NUDT19: variants seen among roughly 807,000 people sequenced by gnomAD.
The protein encoded by NUDT19 is acyl-coenzyme A diphosphatase NUDT19.
In NUDT19, 31 loss-of-function variants were observed where a neutral mutation model predicts 22.2. That is an observed-to-expected ratio of 1.40 (90% CI 1.05 to 1.89). The LOEUF is 1.89. Ranked by LOEUF, NUDT19 falls within the 40% of genes most tolerant of loss-of-function variation. The pLI is 0.00. For missense variants in NUDT19, 752 were observed against 514.2 expected (o/e 1.46, Z -4.47); for synonymous variants, 325 against 230.8 (o/e 1.41, Z -3.70).
intron 1 of NUDT19, among the ~76,000 whole-genome samples, chr19:32,698,473 A>G (rs1323915929): frequency 2.0e-5 from 3 of 152,070 alleles, no homozygotes; most frequent in Non-Finnish European, 4.4e-5. Flanking sequence ...CGGTCCCTGG[A>G]CCCTGCTGAT....
At chr19:32,698,549 C>G (rs1968293566) in intron 1 of NUDT19, among the ~76,000 whole-genome samples, 1 of 152,106 alleles carries the variant, frequency 6.6e-6, no homozygotes, top group Non-Finnish European at 1.5e-5. Context: ...GCAACAGTCC[C>G]CGGACCCTGC....
intron 1 of NUDT19, among the ~76,000 whole-genome samples, chr19:32,694,385 A>G (rs966133207): frequency 2.6e-5 from 4 of 152,146 alleles, no homozygotes; most frequent in Non-Finnish European, 5.9e-5. Flanking sequence ...GGTTTTGGAG[A>G]GTCACTGCTG....
intron 1 of NUDT19, among the ~76,000 whole-genome samples, chr19:32,704,536 A>G (rs752058494): frequency 6.6e-6 from 1 of 152,048 alleles, no homozygotes; most frequent in Non-Finnish European, 1.5e-5. Context: ...CTGGGATTAC[A>G]GGCGTGAGCC....
chr19:32,693,949 C>G (rs1968234756), intron 1 of NUDT19, among the ~76,000 whole-genome samples: 2 of 152,178 alleles, frequency 1.3e-5, no homozygotes, highest in African/African-American at 4.8e-5. Flanking sequence ...AGAAGGGGCC[C>G]TGCAGTTGTA....
At chr19:32,699,662 G>A (rs1016881706) in intron 1 of NUDT19, among the ~76,000 whole-genome samples, 2 of 152,162 alleles carry the variant, frequency 1.3e-5, no homozygotes, top group African/African-American at 2.4e-5. Context: ...AATAGCAAGC[G>A]AAAGGGGTCC....
chr19:32,693,028 C>A (rs1968219549), intron 1 of NUDT19, among the ~76,000 whole-genome samples: 1 of 152,208 alleles, frequency 6.6e-6, no homozygotes, highest in Non-Finnish European at 1.5e-5. Flanking sequence ...TCCAGTCTTC[C>A]TATTTTTATT....
chr19:32,696,832 A>G (rs1310695013), intron 1 of NUDT19, among the ~76,000 whole-genome samples: 1 of 152,216 alleles, frequency 6.6e-6, no homozygotes, highest in Non-Finnish European at 1.5e-5. Context: ...GCCAGTGTCC[A>G]GGAGGAAGTC....
intron 2 of NUDT19, among the ~76,000 whole-genome samples, chr19:32,710,905 AG>A (rs1425049438): frequency 6.6e-6 from 1 of 151,846 alleles, no homozygotes; most frequent in Non-Finnish European, 1.5e-5. Context: ...AAAAAAAAAA[AG>A]ATTTATTACT....
At position 32,692,384 on chromosome 19, in the gene NUDT19, C is replaced by G; in HGVS notation, c.424C>G (p.Arg142Gly). 1 of 1,583,578 alleles carries G rather than the reference C, an allele frequency of 6.3e-7. No homozygotes were observed. Among genetic ancestry groups the G allele is most frequent in the South Asian group, 1.1e-5 (1 of 89,506 alleles). Reference protein sequence around the residue: ...AFEEAGVLLLRPRTSPPGPAP... With the variant: ...AFEEAGVLLLGPRTSPPGPAP... ...TGAGGAGGCGGGCGTGCTGCTGCTG[C>G]GGCCCAGGACTTCCCCACCAGGCCC... Residue 142 changes from arginine (R) to glycine (G), a missense_variant, in exon 1 of 3, where the codon CGG becomes GGG. Coordinates refer to ENST00000397061, the MANE Select transcript of NUDT19 (RefSeq NM_001105570.2).
Position 32,709,282 on chromosome 19 carries a change from C to CCT in NUDT19, c.821_822dup (p.Asp275LeufsTer12), listed in dbSNP as rs775485315. On this transcript the variant is annotated frameshift_variant, in exon 2 of 3. Transcript: ENST00000397061. LOFTEE classifies it high-confidence loss of function. ...GAAGTGAGAAGACTTGCAAACTTTG[C>CCT]CTCTCTCTCTGACTTGCACAAATTT... 6.2e-7 allele frequency: 1 copy of CCT among 1,613,960 alleles called. No homozygotes were observed. Among genetic ancestry groups the CCT allele is most frequent in the Non-Finnish European group, 8.5e-7 (1 of 1,179,872 alleles).
At chr19:32,711,497 A>G (rs1465943456) in intron 2 of NUDT19, among the ~76,000 whole-genome samples, 3 of 152,122 alleles carry the variant, frequency 2.0e-5, no homozygotes, top group Non-Finnish European at 4.4e-5. Flanking sequence ...AAAGAAATTG[A>G]GGTAAGCTCA....
rs959229017 is a variant in NUDT19 at position 32,692,648 on chromosome 19, G to A, written c.688G>A (p.Asp230Asn). The change falls in exon 1 of 3, where the codon GAC becomes AAC. Residue 230 changes from aspartate (D) to asparagine (N), a missense_variant. Transcript: ENST00000397061. ...GCGCGAGCCGCCGCCCGTCTACCCC[G>A]ACTTGGCGGAGGTGGTGGGCTACCA... ...CLREPPPVYP[D>N]LAEVVGYQWS... 32 of 1,520,392 alleles carry A rather than the reference G, an allele frequency of 2.1e-5. No homozygotes were observed. Among genetic ancestry groups the A allele is most frequent in the East Asian group, 4.8e-5 (2 of 41,938 alleles). 94.2% of individuals were successfully genotyped at this position (1,520,392 alleles called of 1,614,324 possible).
At chr19:32,707,859 T>C (rs1968403686) in intron 1 of NUDT19, among the ~76,000 whole-genome samples, 1 of 151,094 alleles carries the variant, frequency 6.6e-6, no homozygotes, top group South Asian at 2.1e-4. Context: ...GCACCTGTAG[T>C]CCCAGCTACT....
Position 32,692,029 on chromosome 19 carries a change from C to G in NUDT19, c.69C>G (p.Gly23=). The G allele has an allele frequency of 2.4e-6, 3 of 1,263,866 alleles. No homozygotes were observed. Among genetic ancestry groups the G allele is most frequent in the Non-Finnish European group, 3.0e-6 (3 of 1,009,878 alleles). The allele number at this position is 1,263,866 out of a possible 1,614,324, so 78.3% of individuals were successfully genotyped here. A position where few individuals can be genotyped will look rare whatever the true frequency, so the allele number is the denominator to read the frequency against. The change falls in exon 1 of 3, where the codon GGC becomes GGG. Residue 23 remains glycine, a synonymous_variant. Transcript: ENST00000397061. ...RRAASIVLAA[G]WSRPETATPP... ...CGGCCAGCATCGTCCTGGCGGCTGG[C>G]TGGTCGCGCCCGGAGACCGCCACCC...
In NUDT19 at chr19:32,711,934, G is replaced by A; in HGVS notation, c.1105G>A (p.Val369Ile). ...KYKHVYPKNS[V>I]VRKSHL ...TAAACACGTTTATCCTAAGAACTCTGTAGTAAGAAAAAGCCATTTGTAGGG... is the reference window on the plus strand; with the variant it reads ...TAAACACGTTTATCCTAAGAACTCTATAGTAAGAAAAAGCCATTTGTAGGG... The change falls in exon 3 of 3, where the codon GTA (valine) becomes ATA (isoleucine). Residue 369 changes from valine to isoleucine, a missense_variant. Val to Ile is a conservative substitution (Grantham distance 29, BLOSUM62 3). Coordinates refer to ENST00000397061, the MANE Select transcript of NUDT19 (RefSeq NM_001105570.2). The A allele has an allele frequency of 2.5e-6, 4 of 1,613,754 alleles. No individual in the cohort carries two copies. The highest frequency in any genetic ancestry group is 3.4e-6 in the Non-Finnish European group (4 of 1,179,784).
Position 32,712,642 on chromosome 19 carries a change from TG to T in NUDT19, c.*687del, listed in dbSNP as rs1423684736. ...TCCTGACCTCATGATCTGCCCGCCT[TG>T]GCCTCCCAAAGTGTGGGATTACAGG... On this transcript the variant is annotated 3_prime_UTR_variant, in exon 3 of 3. Transcript: ENST00000397061. 6.6e-6 allele frequency: 1 copy of T among 152,198 alleles called. No homozygotes were observed. Among genetic ancestry groups the T allele is most frequent in the Non-Finnish European group, 1.5e-5 (1 of 68,096 alleles). The allele number at this position is 152,198 out of a possible 1,614,324, so 9.4% of individuals were successfully genotyped here.
chr19:32,694,756 A>T (rs1394026542), intron 1 of NUDT19, among the ~76,000 whole-genome samples: 1 of 152,250 alleles, frequency 6.6e-6, no homozygotes, highest in East Asian at 1.9e-4. Flanking sequence ...CGTTCAGTCC[A>T]TATTCACTTA....
rs920011110 is a variant in NUDT19, at chr19:32,691,972, C to T, written c.12C>T (p.Ser4=). 4.9e-6 allele frequency: 6 copies of T among 1,231,918 alleles called. No homozygotes were observed. The highest frequency in any genetic ancestry group is 6.1e-6 in the Non-Finnish European group (6 of 989,586). 76.3% of individuals were successfully genotyped at this position (1,231,918 alleles called of 1,614,324 possible). ...GGAAGCTGCGCGCCATGAGCAGCTCCCTGCGGCCGGGCCCCAGCCGCTGGC... is the reference window on the plus strand; with the variant it reads ...GGAAGCTGCGCGCCATGAGCAGCTCTCTGCGGCCGGGCCCCAGCCGCTGGC... The part of the protein sequence containing the change: MSS[S]LRPGPSRWRR... Residue 4 remains serine (S), a synonymous_variant, in exon 1 of 3, where the codon TCC becomes TCT. Transcript: ENST00000397061.
Position 32,691,998 on chromosome 19 carries a change from G to A in NUDT19, c.38G>A (p.Arg13Gln), listed in dbSNP as rs1008870958. 8.1e-7 allele frequency: 1 copy of A among 1,236,002 alleles called. No homozygotes were observed. 76.6% of individuals were successfully genotyped at this position (1,236,002 alleles called of 1,614,324 possible). A position where few individuals can be genotyped will look rare whatever the true frequency, so the allele number is the denominator to read the frequency against. Residue 13 changes from arginine (R) to glutamine (Q), a missense_variant, in exon 1 of 3, where the codon CGG becomes CAG. Arg to Gln is a conservative substitution (Grantham distance 43, BLOSUM62 1). Transcript: ENST00000397061. ...SSLRPGPSRWRRAASIVLAAG... is the reference protein window; with the variant it reads ...SSLRPGPSRWQRAASIVLAAG... ...CTGCGGCCGGGCCCCAGCCGCTGGC[G>A]GCGGGCGGCCAGCATCGTCCTGGCG...
Sources: allele counts gnomAD v4.1 joint callset (sites outside exome capture counted in the v4.1 genomes callset), GRCh38; gene constraint gnomAD v4.1.1; transcripts MANE v1.5; gene names NCBI Gene and HGNC (gene_info 2026-07-23, HGNC 2026-07-21).